ZNF407: variants seen among roughly 807,000 people sequenced by gnomAD.
ZNF407 encodes the protein zinc finger protein 407.
A neutral mutation model predicts 131.2 loss-of-function variants in ZNF407; 17 were observed. That is an observed-to-expected ratio of 0.13 (90% CI 0.09 to 0.19). The LOEUF (loss-of-function observed/expected upper bound fraction) is 0.19. Among genes scored for constraint, ZNF407 ranks in the 10% least tolerant of loss-of-function variants. The pLI is 1.00. For missense variants in ZNF407, 2,681 were observed against 2,830.6 expected (o/e 0.95, Z 1.20); for synonymous variants, 1,156 against 1,062.0 (o/e 1.09, Z -1.72).
At chr18:74,901,895 G>T (rs761591987) in intron 7 of ZNF407, among the ~76,000 whole-genome samples, 1 of 140,732 alleles carries the variant, frequency 7.1e-6, no homozygotes, top group African/African-American at 2.6e-5. Context: ...TCAACACAAG[G>T]TTTCAGTTTT....
rs76500031 is a variant in ZNF407 at position 74,687,180 on chromosome 18, T to C, written c.4802+46058T>C. Among the ~76,000 whole-genome samples, 181 of 152,228 alleles carry C rather than the reference T, an allele frequency of 1.2e-3. 1 individual carries two copies. The highest frequency in any genetic ancestry group is 2.1e-3 in the Non-Finnish European group (143 of 68,000). ...CTGGGCAACATAAGGAGACTTTGTC[T>C]TTACAAAAAATTAAAAAGTTAGCCA... On this transcript the variant is annotated intron_variant, in intron 3 of 8. Transcript: ENST00000299687.
intron 2 of ZNF407, among the ~76,000 whole-genome samples, chr18:74,639,495 G>T (rs1984611553): frequency 6.6e-6 from 1 of 152,094 alleles, no homozygotes; most frequent in African/African-American, 2.4e-5. Context: ...TGATAGGCTT[G>T]GTTTTATCAG....
intron 4 of ZNF407, among the ~76,000 whole-genome samples, chr18:74,793,094 T>C (rs1969856168): frequency 6.6e-6 from 1 of 152,250 alleles, no homozygotes; most frequent in African/African-American, 2.4e-5. Context: ...GACAGAGCTC[T>C]TAACTAGTGA....
intron 8 of ZNF407, among the ~76,000 whole-genome samples, chr18:74,997,124 G>A (rs752461274): frequency 6.6e-6 from 1 of 152,174 alleles, no homozygotes; most frequent in Non-Finnish European, 1.5e-5. Context: ...GAGCTAGCAG[G>A]TCACCTGAAT....
Position 74,948,245 on chromosome 18 carries a change from G to A in ZNF407, c.5428+27553G>A, listed in dbSNP as rs150295366. ...TTAATGGGAGCTTTTGCTCAGTAGC[G>A]GCTTTTTTCACTTTATGTGCCATGG... On this transcript the variant is annotated intron_variant, in intron 8 of 8. Transcript: ENST00000299687. Among the ~76,000 whole-genome samples the A allele has an allele frequency of 1.7e-4, 26 of 152,226 alleles. No individual in the cohort carries two copies. The East Asian group carries it at 4.6e-3, about 27-fold the overall frequency.
intron 4 of ZNF407, among the ~76,000 whole-genome samples, chr18:74,799,387 G>C (rs1268577152): frequency 8.6e-5 from 13 of 152,038 alleles, no homozygotes; most frequent in Admixed American, 8.5e-4. Context: ...AGGATCCCTT[G>C]AGAGAATTCC....
At position 74,632,254 on chromosome 18, in the gene ZNF407, C is replaced by T. The variant is rs114313623; in HGVS notation, c.1235C>T (p.Ser412Leu). The change falls in exon 2 of 9, where the codon TCG (serine) becomes TTG (leucine). Residue 412 changes from serine (S) to leucine (L), a missense_variant. Coordinates refer to ENST00000299687, the MANE Select transcript of ZNF407 (RefSeq NM_017757.3). ...GCAGCACACGGTAACAGTGTAACCTCGAGGCCAAGACCTGAGCGAAATATT... is the reference window on the plus strand; with the variant it reads ...GCAGCACACGGTAACAGTGTAACCTTGAGGCCAAGACCTGAGCGAAATATT... ...LQAAHGNSVT[S>L]RPRPERNILV... The T allele has an allele frequency of 3.7e-4, 599 of 1,613,912 alleles. 7 individuals are homozygous for T. The African/African-American group carries it at 6.4e-3, about 17-fold the overall frequency.
In ZNF407 at chr18:74,966,357, G is replaced by T. The variant is rs553225763; in HGVS notation, c.5428+45665G>T. 1.3e-4 allele frequency among the ~76,000 whole-genome samples: 20 copies of T among 152,166 alleles called. 1 individual carries two copies. In the East Asian group the frequency reaches 3.9e-3, roughly 29 times the overall value. ...ATTTTTGTATATGGTGAGAAATAGGGGTCTAGTTTCATTCTTCTGCATGTG... is the reference window on the plus strand; with the variant it reads ...ATTTTTGTATATGGTGAGAAATAGGTGTCTAGTTTCATTCTTCTGCATGTG... On this transcript the variant is annotated intron_variant, in intron 8 of 8. Coordinates refer to ENST00000299687, the MANE Select transcript of ZNF407 (RefSeq NM_017757.3).
intron 8 of ZNF407, among the ~76,000 whole-genome samples, chr18:74,961,641 GC>G (rs1236930991): frequency 4.0e-5 from 6 of 151,714 alleles, no homozygotes; most frequent in Non-Finnish European, 2.9e-5. Context: ...GATCATTTGA[GC>G]CCAGGAGACG....
intron 4 of ZNF407, among the ~76,000 whole-genome samples, chr18:74,834,262 AT>A (rs1970525156): frequency 6.6e-6 from 1 of 152,170 alleles, no homozygotes; most frequent in Non-Finnish European, 1.5e-5. Flanking sequence ...ACTATTCTCT[AT>A]TTTTGTTCAG....
chr18:74,994,307 A>G (rs145362422), intron 8 of ZNF407, among the ~76,000 whole-genome samples: 1 of 152,236 alleles, frequency 6.6e-6, no homozygotes, highest in South Asian at 2.1e-4. Flanking sequence ...ATGAGATAAA[A>G]GTATAAGAGA....
chr18:74,891,415 G>A (rs968282778), intron 7 of ZNF407, among the ~76,000 whole-genome samples: 4 of 152,134 alleles, frequency 2.6e-5, no homozygotes, highest in Non-Finnish European at 5.9e-5. Context: ...AAAAAGTTAG[G>A]TTTTTGTATT....
intron 3 of ZNF407, among the ~76,000 whole-genome samples, chr18:74,731,587 T>C (rs1350321241): frequency 1.3e-5 from 2 of 152,226 alleles, no homozygotes; most frequent in East Asian, 3.8e-4. Flanking sequence ...AAAACTTTAA[T>C]TTTGACATCT....
chr18:75,039,765 A>G (rs1180316200), intron 8 of ZNF407, among the ~76,000 whole-genome samples: 1 of 143,862 alleles, frequency 7.0e-6, no homozygotes, highest in Non-Finnish European at 1.5e-5. Flanking sequence ...TTTCCTGACA[A>G]TTTATTTCAG....
rs1161467912 is a variant in ZNF407, at chr18:74,725,037, AT to A, written c.4803-56389del. Among the ~76,000 whole-genome samples the A allele has an allele frequency of 5.3e-5, 8 of 152,314 alleles. No individual in the cohort carries two copies. The East Asian group carries it at 1.5e-3, about 29-fold the overall frequency. On this transcript the variant is annotated intron_variant, in intron 3 of 8. Coordinates refer to ENST00000299687, the MANE Select transcript of ZNF407 (RefSeq NM_017757.3). Reference sequence around the variant, plus strand: ...TGGGAACTCTCACAATCTGTTTTTGATTAACTGTTTATGTCACGCATGTTCC... The same window carrying A: ...TGGGAACTCTCACAATCTGTTTTTGATAACTGTTTATGTCACGCATGTTCC...
intron 3 of ZNF407, among the ~76,000 whole-genome samples, chr18:74,728,714 G>A (rs942779706): frequency 7.2e-5 from 11 of 152,188 alleles, no homozygotes; most frequent in Admixed American, 2.6e-4. Context: ...CTCTTAGATG[G>A]TGGCGGAAGG....
intron 1 of ZNF407, among the ~76,000 whole-genome samples, chr18:74,628,825 C>T (rs1401661093): frequency 6.6e-6 from 1 of 152,140 alleles, no homozygotes; most frequent in Non-Finnish European, 1.5e-5. Flanking sequence ...AGCCATCCTC[C>T]CTCCTTGTCC....
In ZNF407 at chr18:74,618,841, C is replaced by G. The variant is rs1410334002; in HGVS notation, c.-53-12126C>G. ...AAAAATGTAATACTTAAGTTTTTCTCTTTTCTAAATATACTTAAAACTCAG... is the reference window on the plus strand; with the variant it reads ...AAAAATGTAATACTTAAGTTTTTCTGTTTTCTAAATATACTTAAAACTCAG... On this transcript the variant is annotated intron_variant, in intron 1 of 8. Transcript: ENST00000299687. Among the ~76,000 whole-genome samples, 5 of 152,208 alleles carry G rather than the reference C, an allele frequency of 3.3e-5. No individual in the cohort carries two copies. In the South Asian group the frequency reaches 6.2e-4, roughly 19 times the overall value.
intron 7 of ZNF407, among the ~76,000 whole-genome samples, chr18:74,917,167 C>T (rs899919472): frequency 6.6e-6 from 1 of 152,100 alleles, no homozygotes; most frequent in African/African-American, 2.4e-5. Flanking sequence ...AATTGTGAAA[C>T]CATTACTACA....
Sources: gnomAD v4.1 joint callset for allele counts (sites outside exome capture counted in the v4.1 genomes callset) on GRCh38, gnomAD v4.1.1 for gene constraint, MANE v1.5 for transcripts, NCBI Gene and HGNC (gene_info 2026-07-23, HGNC 2026-07-21) for gene names.